CPED1: variants seen among roughly 807,000 people sequenced by gnomAD.
The protein encoded by CPED1 is cadherin like and PC-esterase domain containing 1.
Under a neutral mutation model 128.2 loss-of-function variants are expected in CPED1, and 114 were observed. That is an observed-to-expected ratio of 0.89 (90% CI 0.76 to 1.04). CPED1 has a LOEUF of 1.04. CPED1 is among the 50% of genes least tolerant of loss of function. CPED1 has a pLI of 0.00. For missense variants in CPED1, 1,211 were observed against 1,207.1 expected, an observed-to-expected ratio of 1.00 and a Z score of -0.05; for synonymous variants, 462 against 426.7, an observed-to-expected ratio of 1.08 and a Z score of -1.02.
chr7:120,996,411 T>C (rs1224417571), intron 2 of CPED1, among the ~76,000 whole-genome samples: 2 of 152,224 alleles, frequency 1.3e-5, no homozygotes, highest in Non-Finnish European at 2.9e-5. Context: ...CATATTTACA[T>C]TGTTGTGCAA....
chr7:121,209,671 A>G (rs992871776), intron 16 of CPED1, among the ~76,000 whole-genome samples: 3 of 152,014 alleles, frequency 2.0e-5, no homozygotes, highest in Non-Finnish European at 1.5e-5. Flanking sequence ...TTTTGAGGAA[A>G]CTCTCCAGAA....
intron 16 of CPED1, among the ~76,000 whole-genome samples, chr7:121,227,527 A>C (rs1798042544): frequency 6.6e-6 from 1 of 152,112 alleles, no homozygotes; most frequent in South Asian, 2.1e-4. Context: ...GTAAAGGTGA[A>C]AGAGAAAGTA....
In CPED1 at chr7:121,256,124, C is replaced by CAAA. The variant is rs1333114209; in HGVS notation, c.2311-10101_2311-10099dup. Among the ~76,000 whole-genome samples the CAAA allele has an allele frequency of 4.4e-3, 200 of 45,354 alleles. 3 individuals carry two copies. The highest frequency in any genetic ancestry group is 0.01 in the African/African-American group (190 of 18,618). The allele number at this position is 45,354 out of a possible 152,430, so 29.8% of individuals were successfully genotyped here. On this transcript the variant is annotated intron_variant, in intron 18 of 22. Transcript: ENST00000310396. ...AGCAATCCTAAGCAAAAAAAAAAAA[C>CAAA]AAAACAAAAAAAAAAAACAAAGCTT...
At chr7:121,025,916 G>T (rs146396682) in intron 3 of CPED1, among the ~76,000 whole-genome samples, 2 of 151,998 alleles carry the variant, frequency 1.3e-5, no homozygotes, top group African/African-American at 2.4e-5. Context: ...GTGTCCTACC[G>T]CCTCAACATG....
chr7:121,213,902 AT>A (rs1345814989), intron 16 of CPED1, among the ~76,000 whole-genome samples: 1 of 151,956 alleles, frequency 6.6e-6, no homozygotes, highest in Non-Finnish European at 1.5e-5. Flanking sequence ...CCTTATTTGG[AT>A]TTCACCAGTT....
chr7:121,205,642 A>G (rs1228660097), intron 16 of CPED1, among the ~76,000 whole-genome samples: 2 of 152,000 alleles, frequency 1.3e-5, no homozygotes, highest in Non-Finnish European at 2.9e-5. Context: ...AATAAATACA[A>G]TGTATGCCAT....
chr7:121,047,950 C>A (rs905470024), intron 4 of CPED1, among the ~76,000 whole-genome samples: 3 of 152,064 alleles, frequency 2.0e-5, no homozygotes, highest in Admixed American at 1.3e-4. Context: ...TCGCGATCCG[C>A]CCGCTTCGGC....
At chr7:121,012,985 G>A (rs1028027433) in intron 2 of CPED1, among the ~76,000 whole-genome samples, 3 of 152,190 alleles carry the variant, frequency 2.0e-5, no homozygotes, top group Non-Finnish European at 4.4e-5. Flanking sequence ...CCTTCCTTGT[G>A]TGAAATCCCT....
At chr7:121,284,917 C>A (rs1187299054) in intron 22 of CPED1, among the ~76,000 whole-genome samples, 2 of 152,204 alleles carry the variant, frequency 1.3e-5, no homozygotes, top group African/African-American at 4.8e-5. Context: ...CTTCATTCAG[C>A]AGTGCCCCAG....
chr7:121,107,569 T>C (rs1163316539), intron 7 of CPED1, among the ~76,000 whole-genome samples: 1 of 152,076 alleles, frequency 6.6e-6, no homozygotes. Context: ...GTAATAAAAA[T>C]AACTCCTTTA....
chr7:121,244,119 G>T, intron 17 of CPED1, 83 bp from the exon 18 acceptor site: 1 of 1,493,014 alleles, frequency 6.7e-7, no homozygotes, highest in African/African-American at 1.4e-5. Flanking sequence ...TTCTGAAATG[G>T]TGTGCCATAG....
intron 16 of CPED1, among the ~76,000 whole-genome samples, chr7:121,183,692 A>G (rs1397933866): frequency 6.6e-6 from 1 of 152,170 alleles, no homozygotes; most frequent in Non-Finnish European, 1.5e-5. Flanking sequence ...TAATGATATT[A>G]GTTTTCTATG....
chr7:121,204,143 C>T (rs899396874), intron 16 of CPED1, among the ~76,000 whole-genome samples: 1 of 152,096 alleles, frequency 6.6e-6, no homozygotes, highest in Non-Finnish European at 1.5e-5. Context: ...AATGATGCCT[C>T]CATTCTAAAC....
At chr7:120,991,899 A>G (rs1044239560) in intron 2 of CPED1, among the ~76,000 whole-genome samples, 3 of 152,216 alleles carry the variant, frequency 2.0e-5, no homozygotes, top group Non-Finnish European at 4.4e-5. Flanking sequence ...AACATTAGCC[A>G]TGTCACTCCA....
intron 3 of CPED1, among the ~76,000 whole-genome samples, chr7:121,039,274 A>G (rs919994950): frequency 3.9e-5 from 6 of 152,134 alleles, no homozygotes; most frequent in African/African-American, 1.4e-4. Flanking sequence ...AATTGCCCAG[A>G]TTGCTCCAGC....
Position 121,174,442 on chromosome 7 carries a change from G to T in CPED1, c.2055+32301G>T, listed in dbSNP as rs73436022. ...TCCAATTTCAATCTTCTGAATATGG[G>T]TAGCAGTTATCCTTGCACCATTTAT... On this transcript the variant is annotated intron_variant, in intron 16 of 22. Coordinates refer to ENST00000310396, the MANE Select transcript of CPED1 (RefSeq NM_024913.5). Among the ~76,000 whole-genome samples the T allele has an allele frequency of 8.2e-3, 1,246 of 151,756 alleles. 16 individuals carry two copies. Among genetic ancestry groups the T allele is most frequent in the African/African-American group, 0.028 (1,172 of 41,430 alleles).
chr7:121,103,852 A>G (rs1794909991), intron 7 of CPED1, among the ~76,000 whole-genome samples: 1 of 152,128 alleles, frequency 6.6e-6, no homozygotes, highest in African/African-American at 2.4e-5. Flanking sequence ...GCAATAACAG[A>G]TATAACTATG....
chr7:121,196,716 G>A (rs553413889), intron 16 of CPED1, among the ~76,000 whole-genome samples: 1 of 152,108 alleles, frequency 6.6e-6, no homozygotes, highest in Non-Finnish European at 1.5e-5. Flanking sequence ...GATTTTCAAA[G>A]GCTGAAGAGT....
At chr7:121,231,404 A>T (rs940331469) in intron 16 of CPED1, among the ~76,000 whole-genome samples, 1 of 152,142 alleles carries the variant, frequency 6.6e-6, no homozygotes, top group Non-Finnish European at 1.5e-5. Flanking sequence ...AGGTCATCTA[A>T]TGAGACCAAC....
Sources: allele counts gnomAD v4.1 joint callset (sites outside exome capture counted in the v4.1 genomes callset), GRCh38; gene constraint gnomAD v4.1.1; transcripts MANE v1.5; gene names NCBI Gene and HGNC (gene_info 2026-07-23, HGNC 2026-07-21).